RFTN1: variants seen among roughly 807,000 people sequenced by gnomAD.
The protein encoded by RFTN1 is raftlin.
In RFTN1, 26 loss-of-function variants were observed where a neutral mutation model predicts 46.5. The ratio of observed to expected loss-of-function variants is 0.56; its 90% CI spans 0.41 to 0.78. The LOEUF is 0.78. Ranked by LOEUF, RFTN1 falls within the 30% of genes least tolerant of loss-of-function variation. The pLI is 0.00. For synonymous variants in RFTN1, 261 were observed against 284.2 expected, an observed-to-expected ratio of 0.92 and a Z score of 0.82; for missense variants, 693 against 718.7, an observed-to-expected ratio of 0.96 and a Z score of 0.41.
In RFTN1 at chr3:16,326,609, G is replaced by A. The variant is rs543330039; in HGVS notation, c.1250+164C>T. Among the ~76,000 whole-genome samples the A allele has an allele frequency of 1.1e-4, 17 of 152,304 alleles. No individual in the cohort carries two copies. The East Asian group carries it at 1.5e-3, about 14-fold the overall frequency. On this transcript the variant is annotated intron_variant, in intron 8 of 9. Coordinates refer to ENST00000334133, the MANE Select transcript of RFTN1 (RefSeq NM_015150.2). ...GAGTTCTCTGGGTGACGGTGGTTAAGAATGTGAAATTCTGGCTCTGCTGCT... is the reference window on the plus strand; with the variant it reads ...GAGTTCTCTGGGTGACGGTGGTTAAAAATGTGAAATTCTGGCTCTGCTGCT...
intron 1 of RFTN1, among the ~76,000 whole-genome samples, chr3:16,497,380 T>G (rs2076642667): frequency 6.6e-6 from 1 of 152,264 alleles, no homozygotes; most frequent in South Asian, 2.1e-4. Flanking sequence ...CATGTTCATC[T>G]GATGCTAGCT....
intron 5 of RFTN1, among the ~76,000 whole-genome samples, chr3:16,371,640 C>A (rs1337287015): frequency 2.0e-5 from 3 of 152,232 alleles, no homozygotes; most frequent in Non-Finnish European, 4.4e-5. Flanking sequence ...ATCAGCAATA[C>A]CTGAATGAAC....
In RFTN1 at chr3:16,437,337, G is replaced by A. The variant is rs118107087; in HGVS notation, c.146-3300C>T. On this transcript the variant is annotated intron_variant, in intron 2 of 9. Coordinates refer to ENST00000334133, the MANE Select transcript of RFTN1 (RefSeq NM_015150.2). ...TCCATATATCTTGAAAGACATTCAT[G>A]AGTCCAGCCATAGAAGTACTACCAG... 2.2e-4 allele frequency among the ~76,000 whole-genome samples: 34 copies of A among 152,184 alleles called. 1 individual carries two copies. The East Asian group carries it at 6.6e-3, about 29-fold the overall frequency.
Position 16,447,864 on chromosome 3 carries a change from G to T in RFTN1, c.146-13827C>A, listed in dbSNP as rs977722882. ...TGATCACTTACTGAGATGGGCCATG[G>T]AGAAGTCTGGCCTTTGAGGTTACGC... On this transcript the variant is annotated intron_variant, in intron 2 of 9. Transcript: ENST00000334133. This position sits in a 1 kb window ranked among gnomAD's most constrained non-coding sequence, Gnocchi z 5.9. 6.6e-6 allele frequency among the ~76,000 whole-genome samples: 1 copy of T among 152,212 alleles called. No individual in the cohort carries two copies. The highest frequency in any genetic ancestry group is 2.4e-5 in the African/African-American group (1 of 41,450).
Position 16,425,467 on chromosome 3 carries a change from GAAAC to G in RFTN1, c.332+8380_332+8383del, listed in dbSNP as rs999507141. ...AGTGTGCTAATTCTCTCTCTCAGAA[GAAAC>G]AAACAAACAAAAAATAAATAAAATG... On this transcript the variant is annotated intron_variant, in intron 3 of 9. Coordinates refer to ENST00000334133, the MANE Select transcript of RFTN1 (RefSeq NM_015150.2). The surrounding 1 kb of genome is among the most constrained non-coding windows in gnomAD (Gnocchi z 4.3). Among the ~76,000 whole-genome samples the G allele has an allele frequency of 2.0e-5, 3 of 149,096 alleles. No homozygotes were observed. The highest frequency in any genetic ancestry group is 7.8e-5 in the African/African-American group (3 of 38,616).
intron 4 of RFTN1, among the ~76,000 whole-genome samples, chr3:16,394,934 T>A (rs1023029589): frequency 2.0e-4 from 31 of 152,150 alleles, no homozygotes; most frequent in African/African-American, 7.2e-4. Context: ...GTAAATAGGA[T>A]GAGCTTGAAA....
At chr3:16,502,905 T>A (rs192210500) in intron 1 of RFTN1, among the ~76,000 whole-genome samples, 2 of 152,330 alleles carry the variant, frequency 1.3e-5, no homozygotes, top group East Asian at 1.9e-4. Context: ...TTACCACCCA[T>A]CAATAGATAA....
rs1317555765 is a variant in RFTN1, at chr3:16,447,876, C to A, written c.146-13839G>T. On this transcript the variant is annotated intron_variant, in intron 2 of 9. Transcript: ENST00000334133. This position sits in a 1 kb window ranked among gnomAD's most constrained non-coding sequence, Gnocchi z 5.9. ...GAGATGGGCCATGGAGAAGTCTGGCCTTTGAGGTTACGCATGAGGATCTGA... is the reference window on the plus strand; with the variant it reads ...GAGATGGGCCATGGAGAAGTCTGGCATTTGAGGTTACGCATGAGGATCTGA... Among the ~76,000 whole-genome samples, 10 of 152,268 alleles carry A rather than the reference C, an allele frequency of 6.6e-5. No homozygotes were observed. Among genetic ancestry groups the A allele is most frequent in the Admixed American group, 2.6e-4 (4 of 15,298 alleles).
At chr3:16,508,695 C>T (rs992321660) in intron 1 of RFTN1, among the ~76,000 whole-genome samples, 5 of 92,964 alleles carry the variant, frequency 5.4e-5, no homozygotes, top group African/African-American at 1.1e-4. Flanking sequence ...ATCACACGCA[C>T]GCACACACAC....
chr3:16,370,428 A>G lies in RFTN1; in HGVS notation c.827-149T>C. ...TGTGAGGCTGTATTGTTGCCAGATA[A>G]TAAAGCCTCATTCCAAGTAATAAGT... On this transcript the variant is annotated intron_variant, in intron 5 of 9. Coordinates refer to ENST00000334133, the MANE Select transcript of RFTN1 (RefSeq NM_015150.2). This position sits in a 1 kb window ranked among gnomAD's most constrained non-coding sequence, Gnocchi z 5.5. 5.1e-6 allele frequency: 4 copies of G among 785,418 alleles called. No individual in the cohort carries two copies. The highest frequency in any genetic ancestry group is 5.1e-5 in the South Asian group (3 of 59,116). The allele number at this position is 785,418 out of a possible 1,614,324, so 48.7% of individuals were successfully genotyped here. A position where few individuals can be genotyped will look rare whatever the true frequency, so the allele number is the denominator to read the frequency against.
At chr3:16,469,983 T>C (rs765918407) in intron 2 of RFTN1, among the ~76,000 whole-genome samples, 1 of 152,130 alleles carries the variant, frequency 6.6e-6, no homozygotes, top group African/African-American at 2.4e-5. Flanking sequence ...AGTGACTTGC[T>C]CAAGGTCATG....
chr3:16,497,144 G>T (rs2076638488), intron 1 of RFTN1, among the ~76,000 whole-genome samples: 1 of 152,186 alleles, frequency 6.6e-6, no homozygotes, highest in Admixed American at 6.5e-5. Flanking sequence ...CTGGGTGTCA[G>T]TTTGTGACGA....
chr3:16,359,418 T>C (rs1212139179), intron 6 of RFTN1, among the ~76,000 whole-genome samples: 1 of 152,174 alleles, frequency 6.6e-6, no homozygotes, highest in Non-Finnish European at 1.5e-5. Context: ...AGGAAGGTAA[T>C]TAAGGTTAAA....
rs948269679 is a variant in RFTN1, at chr3:16,424,330, A to C, written c.332+9521T>G. Reference sequence around the variant, plus strand: ...TCTTCAGCCTCATTTTCCTAGACATAAAATGAGAAGTGGGGAATGAGGGAA... The same window carrying C: ...TCTTCAGCCTCATTTTCCTAGACATCAAATGAGAAGTGGGGAATGAGGGAA... On this transcript the variant is annotated intron_variant, in intron 3 of 9. Transcript: ENST00000334133. This position sits in a 1 kb window ranked among gnomAD's most constrained non-coding sequence, Gnocchi z 4.7. Among the ~76,000 whole-genome samples, 63 of 152,310 alleles carry C rather than the reference A, an allele frequency of 4.1e-4. No individual in the cohort carries two copies. Among genetic ancestry groups the C allele is most frequent in the African/African-American group, 1.5e-3 (61 of 41,578 alleles).
rs1266960305 is a variant in RFTN1 at position 16,341,840 on chromosome 3, AAC to A, written c.1147-14966_1147-14965del. On this transcript the variant is annotated intron_variant, in intron 7 of 9. Transcript: ENST00000334133. This position sits in a 1 kb window ranked among gnomAD's most constrained non-coding sequence, Gnocchi z 4.7. Reference sequence around the variant, plus strand: ...CATACAGTTACATACAAAAATGTATAACAGTTTGAAGAGTATGATACCATTTT... The same window carrying A: ...CATACAGTTACATACAAAAATGTATAAGTTTGAAGAGTATGATACCATTTT... Among the ~76,000 whole-genome samples the A allele has an allele frequency of 1.3e-5, 2 of 152,238 alleles. No individual in the cohort carries two copies. The highest frequency in any genetic ancestry group is 2.9e-5 in the Non-Finnish European group (2 of 68,038).
rs904895281 is a variant in RFTN1 at position 16,409,206 on chromosome 3, G to A, written c.441+169C>T. Among the ~76,000 whole-genome samples the A allele has an allele frequency of 3.3e-5, 5 of 152,338 alleles. 1 individual carries two copies. Among genetic ancestry groups the A allele is most frequent in the Admixed American group, 1.3e-4 (2 of 15,304 alleles). Reference sequence around the variant, plus strand: ...AGGAGGGGTTAGCCATCTTGTTCCAGAGTCAGCTCTGGAGGGGGCTGCTTC... The same window carrying A: ...AGGAGGGGTTAGCCATCTTGTTCCAAAGTCAGCTCTGGAGGGGGCTGCTTC... On this transcript the variant is annotated intron_variant, in intron 4 of 9. Transcript: ENST00000334133.
Position 16,426,660 on chromosome 3 carries a change from CGTGTGT to C in RFTN1, c.332+7185_332+7190del, listed in dbSNP as rs34705903. ...ACTGTTATTTTGGCAATGAAAGGAT[CGTGTGT>C]GTGTGTGTGTGTGTGTGTGTGTGTG... On this transcript the variant is annotated intron_variant, in intron 3 of 9. Transcript: ENST00000334133. This position sits in a 1 kb window ranked among gnomAD's most constrained non-coding sequence, Gnocchi z 5.9. 7.1e-3 allele frequency among the ~76,000 whole-genome samples: 1,006 copies of C among 142,108 alleles called. 4 individuals carry two copies. The highest frequency in any genetic ancestry group is 0.01 in the Non-Finnish European group (677 of 65,558). 93.2% of individuals were successfully genotyped at this position (142,108 alleles called of 152,430 possible).
At chr3:16,323,979 C>T (rs2459641) in intron 8 of RFTN1, among the ~76,000 whole-genome samples, 2 of 152,000 alleles carry the variant, frequency 1.3e-5, no homozygotes, top group South Asian at 2.1e-4. Flanking sequence ...GCCTGTTAAC[C>T]AGCTCTGGCT....
intron 8 of RFTN1, among the ~76,000 whole-genome samples, chr3:16,325,421 C>T (rs1364527578): frequency 1.3e-5 from 2 of 152,176 alleles, no homozygotes; most frequent in Non-Finnish European, 2.9e-5. Context: ...CTGTCTGTAG[C>T]CCCTGGGCTT....
Sources: gnomAD v4.1 joint callset for allele counts (sites outside exome capture counted in the v4.1 genomes callset) on GRCh38, gnomAD v4.1.1 for gene constraint, Gnocchi (gnomAD v3.1) non-coding constraint, MANE v1.5 for transcripts, NCBI Gene and HGNC (gene_info 2026-07-23, HGNC 2026-07-21) for gene names.